Variants in AGBL4 observed in about 807,000 individuals in gnomAD.
AGBL4 encodes the protein AGBL carboxypeptidase 4.
AGBL4 carries 58 observed loss-of-function variants against 66.4 expected under a neutral mutation model. The observed-to-expected ratio is 0.87, with a 90% CI of 0.71 to 1.09. AGBL4 has a LOEUF of 1.09. Ranked by LOEUF, AGBL4 falls within the 50% of genes least tolerant of loss-of-function variation. The pLI is 0.00. For missense variants in AGBL4, 579 were observed against 631.0 expected (o/e 0.92, Z 0.88); for synonymous variants, 234 against 222.9 (o/e 1.05, Z -0.44).
intron 8 of AGBL4, among the ~76,000 whole-genome samples, chr1:48,650,822 T>A (rs533236887): frequency 6.6e-6 from 1 of 152,292 alleles, no homozygotes; most frequent in Admixed American, 6.5e-5. Flanking sequence ...CCTCTTAGAT[T>A]CCCTATGTTT....
intron 3 of AGBL4, among the ~76,000 whole-genome samples, chr1:49,346,611 G>A (rs1405038675): frequency 6.6e-6 from 1 of 152,070 alleles, no homozygotes; most frequent in Non-Finnish European, 1.5e-5. Context: ...ACCTTTTGTT[G>A]GGATTCAAAG....
chr1:49,938,000 C>T (rs1256999415), intron 1 of AGBL4, among the ~76,000 whole-genome samples: 5 of 151,014 alleles, frequency 3.3e-5, no homozygotes, highest in African/African-American at 1.2e-4. Flanking sequence ...AAAATCAGAG[C>T]AGAACTGAAG....
intron 1 of AGBL4, among the ~76,000 whole-genome samples, chr1:49,998,437 G>A (rs1049670486): frequency 6.6e-6 from 1 of 152,046 alleles, no homozygotes; most frequent in Non-Finnish European, 1.5e-5. Context: ...GATTGAAATG[G>A]TAATTTTAAA....
At chr1:48,571,224 G>C (rs1644558436) in intron 11 of AGBL4, among the ~76,000 whole-genome samples, 1 of 152,216 alleles carries the variant, frequency 6.6e-6, no homozygotes, top group Non-Finnish European at 1.5e-5. Context: ...CCTGGAAGTG[G>C]CAAAACTAGG....
chr1:48,643,510 A>ATT (rs1645790361), intron 8 of AGBL4, among the ~76,000 whole-genome samples: 1 of 152,172 alleles, frequency 6.6e-6, no homozygotes, highest in Non-Finnish European at 1.5e-5. Context: ...ACTGGGTGTG[A>ATT]TTCCTGGATC....
chr1:49,283,175 A>G (rs1057165993), intron 3 of AGBL4, among the ~76,000 whole-genome samples: 1 of 152,166 alleles, frequency 6.6e-6, no homozygotes, highest in Non-Finnish European at 1.5e-5. Flanking sequence ...TGGAGATCTG[A>G]GAACGGGCAG....
At chr1:48,537,485 G>A (rs925123012) in intron 12 of AGBL4, among the ~76,000 whole-genome samples, 3 of 151,982 alleles carry the variant, frequency 2.0e-5, no homozygotes, top group Admixed American at 6.6e-5. Context: ...CCATCTCCAC[G>A]AACTCTTCAC....
At chr1:49,809,655 T>A (rs536284349) in intron 2 of AGBL4, among the ~76,000 whole-genome samples, 109 of 152,284 alleles carry the variant, frequency 7.2e-4, no homozygotes, top group African/African-American at 2.5e-3. Flanking sequence ...AGGGTAAGTC[T>A]CATGTTAATT....
intron 11 of AGBL4, among the ~76,000 whole-genome samples, chr1:48,545,865 G>A (rs1644150600): frequency 6.6e-6 from 1 of 152,146 alleles, no homozygotes; most frequent in African/African-American, 2.4e-5. Context: ...AGGTAATGAA[G>A]GTTTGAACAT....
chr1:49,806,487 T>C (rs920764137), intron 2 of AGBL4, among the ~76,000 whole-genome samples: 21 of 151,858 alleles, frequency 1.4e-4, no homozygotes, highest in Admixed American at 1.1e-3. Context: ...ATGTAAAAAA[T>C]AGAAAAATAA....
chr1:49,606,146 G>A (rs956460111), intron 3 of AGBL4, among the ~76,000 whole-genome samples: 32 of 152,208 alleles, frequency 2.1e-4, no homozygotes, highest in Admixed American at 1.9e-3. Context: ...TCTCTAATGA[G>A]TAATAGGGGA....
chr1:49,044,717 G>C (rs937750962), intron 5 of AGBL4, among the ~76,000 whole-genome samples: 1 of 152,102 alleles, frequency 6.6e-6, no homozygotes, highest in Non-Finnish European at 1.5e-5. Flanking sequence ...AAGTGAAAGA[G>C]AGCTCATATC....
At chr1:48,715,057 G>A (rs1024572844) in intron 6 of AGBL4, among the ~76,000 whole-genome samples, 7 of 152,320 alleles carry the variant, frequency 4.6e-5, no homozygotes, top group African/African-American at 1.4e-4. Context: ...CTGAGGTGGG[G>A]TGGGTGCCGG....
intron 4 of AGBL4, among the ~76,000 whole-genome samples, chr1:49,062,842 C>T (rs781611714): frequency 6.6e-6 from 1 of 152,202 alleles, no homozygotes; most frequent in Non-Finnish European, 1.5e-5. Flanking sequence ...ATCAATTTCT[C>T]AGTGCCCATC....
intron 3 of AGBL4, among the ~76,000 whole-genome samples, chr1:49,378,981 C>T (rs1448136418): frequency 2.0e-5 from 3 of 152,030 alleles, no homozygotes; most frequent in Non-Finnish European, 4.4e-5. Context: ...ATTGTGGCCA[C>T]CACCACTCTA....
intron 6 of AGBL4, among the ~76,000 whole-genome samples, chr1:48,678,542 G>C (rs1321899161): frequency 1.3e-5 from 2 of 152,174 alleles, no homozygotes; most frequent in Non-Finnish European, 2.9e-5. Context: ...TGGGATCTTA[G>C]CTGTCTCCCT....
chr1:48,979,831 T>C (rs948405713), intron 5 of AGBL4, among the ~76,000 whole-genome samples: 2 of 152,172 alleles, frequency 1.3e-5, no homozygotes, highest in African/African-American at 4.8e-5. Flanking sequence ...GGGTTGATTA[T>C]GATACTTCCC....
chr1:49,657,420 T>C (rs1646165628), intron 3 of AGBL4, among the ~76,000 whole-genome samples: 1 of 152,102 alleles, frequency 6.6e-6, no homozygotes, highest in South Asian at 2.1e-4. Flanking sequence ...ATCGTGAAAA[T>C]GGCCATACTG....
rs374009438 is a variant in AGBL4, at chr1:49,458,941, T to G, written c.283-213077A>C. The stretch of plus-strand genomic sequence containing the variant: ...GATCATGGAGGATTATCTTTTTGTT[T>G]TGTTGTTGGATTCAGTTAGCGAATA... On this transcript the variant is annotated intron_variant, in intron 3 of 13. Coordinates refer to ENST00000371839, the MANE Select transcript of AGBL4 (RefSeq NM_032785.4). Among the ~76,000 whole-genome samples the G allele has an allele frequency of 3.5e-4, 53 of 151,844 alleles. 1 individual carries two copies. The South Asian group carries it at 9.7e-3, about 28-fold the overall frequency.
Sources: allele counts gnomAD v4.1 joint callset (sites outside exome capture counted in the v4.1 genomes callset), GRCh38; gene constraint gnomAD v4.1.1; transcripts MANE v1.5; gene names NCBI Gene and HGNC (gene_info 2026-07-23, HGNC 2026-07-21).